Variants in CTNNA2 observed in about 807,000 individuals in gnomAD.
CTNNA2 encodes the protein catenin alpha-2.
A neutral mutation model predicts 101.0 loss-of-function variants in CTNNA2; 42 were observed. The ratio of observed to expected loss-of-function variants is 0.42; its 90% CI spans 0.32 to 0.54. CTNNA2 has a LOEUF of 0.54. Ranked by LOEUF, CTNNA2 falls within the 20% of genes least tolerant of loss-of-function variation. The pLI is 0.14. For synonymous variants in CTNNA2, 450 were observed against 456.4 expected, an observed-to-expected ratio of 0.99 and a Z score of 0.18; for missense variants, 871 against 1,223.1, an observed-to-expected ratio of 0.71 and a Z score of 4.29.
At chr2:79,715,840 C>T (rs900949285) in intron 2 of CTNNA2, among the ~76,000 whole-genome samples, 2 of 118,498 alleles carry the variant, frequency 1.7e-5, no homozygotes, top group African/African-American at 3.6e-5. Context: ...AGGATAGATA[C>T]GTCTAATATC....
intron 7 of CTNNA2, among the ~76,000 whole-genome samples, chr2:80,007,311 G>A (rs549387658): frequency 6.6e-6 from 1 of 152,176 alleles, no homozygotes; most frequent in African/African-American, 2.4e-5. Context: ...GTGTATCCAA[G>A]TTTTTCCTTT....
At chr2:79,531,195 CATATATATATATATATATATATAT>C (rs34087238) in intron 1 of CTNNA2, among the ~76,000 whole-genome samples, 38 of 110,236 alleles carry the variant, frequency 3.4e-4, no homozygotes, top group South Asian at 3.6e-4. Flanking sequence ...TAGATACGCT[CATATATATATATATATATATATAT>C]ATATATATAT....
At chr2:80,155,200 A>G (rs1370163771) in intron 7 of CTNNA2, among the ~76,000 whole-genome samples, 1 of 152,212 alleles carries the variant, frequency 6.6e-6, no homozygotes, top group Non-Finnish European at 1.5e-5. Context: ...TTGGACCCCT[A>G]TAATGGTCTT....
chr2:80,043,220 C>T (rs78541051), intron 7 of CTNNA2, among the ~76,000 whole-genome samples: 1 of 52,706 alleles, frequency 1.9e-5, no homozygotes, highest in Admixed American at 2.5e-4. Flanking sequence ...TTTTTTTTTT[C>T]AGAGTCTTGC....
chr2:79,486,442 A>T (rs4586650), intron 4 of CTNNA2, among the ~76,000 whole-genome samples: 3 of 151,896 alleles, frequency 2.0e-5, no homozygotes, highest in South Asian at 2.1e-4. Context: ...CCATGGTGTA[A>T]ATGTGCCACA....
At chr2:79,799,743 G>T (rs1221295239) in intron 3 of CTNNA2, among the ~76,000 whole-genome samples, 1 of 152,122 alleles carries the variant, frequency 6.6e-6, no homozygotes, top group African/African-American at 2.4e-5. Context: ...TGTCACATTA[G>T]CATATTCCTT....
intron 3 of CTNNA2, among the ~76,000 whole-genome samples, chr2:79,320,424 G>A (rs1473358): frequency 0.11 from 16,897 of 150,772 alleles, 1,128 homozygotes; most frequent in Middle Eastern, 0.22. Flanking sequence ...GAGACTTGGA[G>A]TTTATTGTAC....
chr2:80,436,704 C>G (rs929421645), intron 9 of CTNNA2, among the ~76,000 whole-genome samples: 33 of 152,246 alleles, frequency 2.2e-4, no homozygotes, highest in African/African-American at 7.7e-4. Context: ...AGGGCTTGCT[C>G]TCTGCTTCAA....
chr2:80,194,502 T>C (rs1018006495), intron 7 of CTNNA2, among the ~76,000 whole-genome samples: 2 of 151,750 alleles, frequency 1.3e-5, no homozygotes, highest in Non-Finnish European at 2.9e-5. Context: ...TAGTTTTTTT[T>C]TTTACACTAA....
chr2:79,512,476 C>T (rs374571490), upstream of CTNNA2, among the ~76,000 whole-genome samples: 1 of 152,110 alleles, frequency 6.6e-6, no homozygotes, highest in African/African-American at 2.4e-5. Flanking sequence ...CAGTCACTAC[C>T]TTTGCAGCAC....
At chr2:80,542,283 T>G (rs957878678) in intron 9 of CTNNA2, among the ~76,000 whole-genome samples, 6 of 152,112 alleles carry the variant, frequency 3.9e-5, no homozygotes, top group Non-Finnish European at 8.8e-5. Flanking sequence ...GTTTTTTCTA[T>G]TCAGGACACA....
At chr2:79,763,107 G>A (rs1186374920) in intron 3 of CTNNA2, among the ~76,000 whole-genome samples, 1 of 152,126 alleles carries the variant, frequency 6.6e-6, no homozygotes, top group Non-Finnish European at 1.5e-5. Flanking sequence ...TTGACAATGG[G>A]AGTAATAATT....
At position 80,647,919 on chromosome 2, in the gene CTNNA2, CTTTTTCTTTT is replaced by C. The variant is rs1235144969; in HGVS notation, c.*49_*58del. 3.3e-6 allele frequency: 5 copies of C among 1,512,434 alleles called. No individual in the cohort carries two copies. Among genetic ancestry groups the C allele is most frequent in the South Asian group, 1.4e-5 (1 of 73,904 alleles). 93.7% of individuals were successfully genotyped at this position (1,512,434 alleles called of 1,614,324 possible). A position where few individuals can be genotyped will look rare whatever the true frequency, so the allele number is the denominator to read the frequency against. ...AGCTTTTTCTTTCTTTTCTTTCTTT[CTTTTTCTTTT>C]TAATTCCATTTTTGTATGCATACCT... is the stretch of plus-strand genomic sequence containing the variant. On this transcript the variant is annotated 3_prime_UTR_variant, in exon 19 of 19. Transcript: ENST00000402739.
chr2:79,498,492 T>G (rs13388538), intron 4 of CTNNA2, among the ~76,000 whole-genome samples: 10,857 of 152,330 alleles, frequency 0.071, 544 homozygotes, highest in Non-Finnish European at 0.11. Flanking sequence ...GGTCAAAGTC[T>G]GATTCTGATC....
intron 7 of CTNNA2, among the ~76,000 whole-genome samples, chr2:80,064,712 C>T (rs1417803015): frequency 6.6e-6 from 1 of 152,182 alleles, no homozygotes; most frequent in African/African-American, 2.4e-5. Context: ...ATATTTCCAA[C>T]AGGAAGAAAA....
At chr2:79,197,084 G>A (rs934572084) in intron 1 of CTNNA2, among the ~76,000 whole-genome samples, 6 of 152,116 alleles carry the variant, frequency 3.9e-5, no homozygotes, top group African/African-American at 1.4e-4. Flanking sequence ...TTTCTTCAAA[G>A]CTTGAAACAT....
intron 2 of CTNNA2, among the ~76,000 whole-genome samples, chr2:79,214,485 G>A (rs1424175532): frequency 3.9e-5 from 6 of 152,116 alleles, no homozygotes; most frequent in African/African-American, 1.2e-4. Context: ...AAGTTTATAG[G>A]CTTTAAAAGG....
chr2:80,101,972 T>C (rs766349016), intron 7 of CTNNA2, among the ~76,000 whole-genome samples: 2 of 152,178 alleles, frequency 1.3e-5, no homozygotes, highest in Non-Finnish European at 2.9e-5. Flanking sequence ...CATGCAATGT[T>C]TCTGCATGTG....
At chr2:79,566,081 C>T (rs1675095510) in intron 1 of CTNNA2, among the ~76,000 whole-genome samples, 1 of 151,868 alleles carries the variant, frequency 6.6e-6, no homozygotes, top group Non-Finnish European at 1.5e-5. Flanking sequence ...GGCAATGGTG[C>T]CAGATAATAC....
Sources: gnomAD v4.1 joint callset for allele counts (sites outside exome capture counted in the v4.1 genomes callset) on GRCh38, gnomAD v4.1.1 for gene constraint, MANE v1.5 for transcripts, NCBI Gene and HGNC (gene_info 2026-07-23, HGNC 2026-07-21) for gene names.